Variants in PKD1L3 observed in about 807,000 individuals in gnomAD.
PKD1L3 encodes polycystin 1 like 3, transient receptor potential channel interacting, also known as polycystin-1-like protein 3.
Under a neutral mutation model 184.1 loss-of-function variants are expected in PKD1L3, and 239 were observed. The observed-to-expected ratio is 1.30, with a 90% confidence interval of 1.17 to 1.45. The LOEUF (loss-of-function observed/expected upper bound fraction) is 1.45. PKD1L3 is among the 40% of genes most tolerant of loss of function. The pLI is 0.00. For synonymous variants in PKD1L3, 996 were observed against 778.8 expected (o/e 1.28, Z -4.64); for missense variants, 2,660 against 2,067.2 (o/e 1.29, Z -5.56).
Position 71,953,106 on chromosome 16 carries a change from C to G in PKD1L3, c.2810-13G>C. ...GCAAATGGACGCACTGAAAGAAAAGCATGACATCAACTTTCATCTTCAACA... is the reference window on the plus strand; with the variant it reads ...GCAAATGGACGCACTGAAAGAAAAGGATGACATCAACTTTCATCTTCAACA... On this transcript the variant is annotated splice_polypyrimidine_tract_variant and intron_variant, in intron 17 of 29. Coordinates refer to ENST00000620267, the MANE Select transcript of PKD1L3 (RefSeq NM_181536.2). The G allele has an allele frequency of 2.1e-6, 3 of 1,448,282 alleles. No homozygotes were observed. The highest frequency in any genetic ancestry group is 2.7e-6 in the Non-Finnish European group (3 of 1,098,450). The allele number at this position is 1,448,282 out of a possible 1,614,324, so 89.7% of individuals were successfully genotyped here.
At chr16:71,979,351 G>C (rs2040058995) in intron 9 of PKD1L3, among the ~76,000 whole-genome samples, 1 of 152,154 alleles carries the variant, frequency 6.6e-6, no homozygotes, top group Non-Finnish European at 1.5e-5. Context: ...GGCTGAGGCA[G>C]GGGAATCGCT....
intron 21 of PKD1L3, among the ~76,000 whole-genome samples, chr16:71,947,853 G>A (rs376098499): frequency 1.3e-5 from 2 of 151,674 alleles, no homozygotes; most frequent in African/African-American, 4.8e-5. Flanking sequence ...ACTGTCAAAC[G>A]ATTTGTGTTG....
chr16:71,978,459 A>G, intron 9 of PKD1L3, 76 bp from the exon 10 acceptor site: 1 of 1,189,756 alleles, frequency 8.4e-7, no homozygotes, highest in Non-Finnish European at 1.2e-6. Flanking sequence ...GATATATCAT[A>G]TATACATATG....
intron 12 of PKD1L3, among the ~76,000 whole-genome samples, chr16:71,970,488 CTGAT>C: frequency 6.6e-6 from 1 of 152,148 alleles, no homozygotes; most frequent in East Asian, 1.9e-4. Context: ...CAGAGGCAAA[CTGAT>C]TGAATTCTAT....
rs553955635 is a variant in PKD1L3, at chr16:71,963,432, A to T, written c.2466-81T>A. On this transcript the variant is annotated intron_variant, in intron 15 of 29. Transcript: ENST00000620267. ...TAGTAAGACGTAATCTCAGACCATT[A>T]GTAAACTGTCCAAGTAAATGAACTG... 46 of 1,351,940 alleles carry T rather than the reference A, an allele frequency of 3.4e-5. No individual in the cohort carries two copies. The African/African-American group carries it at 3.7e-4, about 11-fold the overall frequency. 83.7% of individuals were successfully genotyped at this position (1,351,940 alleles called of 1,614,324 possible).
chr16:71,991,458 C>T lies in PKD1L3; in HGVS notation c.536-1129G>A, dbSNP rs370917511. Among the ~76,000 whole-genome samples, 29 of 151,430 alleles carry T rather than the reference C, an allele frequency of 1.9e-4. 1 individual carries two copies. Among genetic ancestry groups the T allele is most frequent in the Admixed American group, 9.9e-4 (15 of 15,208 alleles). ...ACGATATCAAAGGATTTCAAGATGA[C>T]AAAAAAAATACTGTAGAAAAATTAA... On this transcript the variant is annotated intron_variant, in intron 3 of 29. Coordinates refer to ENST00000620267, the MANE Select transcript of PKD1L3 (RefSeq NM_181536.2).
chr16:71,949,573 G>A (rs371607340), intron 21 of PKD1L3, among the ~76,000 whole-genome samples: 7 of 151,988 alleles, frequency 4.6e-5, no homozygotes, highest in African/African-American at 1.4e-4. Flanking sequence ...GGCTGGTCTC[G>A]AACACCTGGA....
chr16:71,992,749 C>T (rs1013929434), intron 3 of PKD1L3, among the ~76,000 whole-genome samples: 3 of 152,126 alleles, frequency 2.0e-5, no homozygotes, highest in Admixed American at 6.6e-5. Flanking sequence ...GGTCATACCC[C>T]GAAGAGTGAT....
At chr16:71,954,050 A>AG in intron 17 of PKD1L3, 55 bp downstream of exon 17, 5 of 806,158 alleles carry the variant, frequency 6.2e-6, no homozygotes, top group Non-Finnish European at 8.3e-6. Context: ...ACCCTGTCTC[A>AG]AAAAAAAAAA....
chr16:71,983,312 A>G (rs940553634), intron 6 of PKD1L3, among the ~76,000 whole-genome samples: 2 of 151,850 alleles, frequency 1.3e-5, no homozygotes, highest in Non-Finnish European at 2.9e-5. Context: ...ACACCCAGTT[A>G]AGTTTTGTAT....
At chr16:71,970,511 T>TA (rs1156341141) in intron 12 of PKD1L3, among the ~76,000 whole-genome samples, 4 of 152,116 alleles carry the variant, frequency 2.6e-5, no homozygotes, top group Non-Finnish European at 5.9e-5. Context: ...ATACAGCAGT[T>TA]AAAAATGAAT....
intron 17 of PKD1L3, among the ~76,000 whole-genome samples, chr16:71,953,718 G>A (rs28560350): frequency 0.053 from 7,990 of 152,042 alleles, 678 homozygotes; most frequent in African/African-American, 0.18. Flanking sequence ...CAGATCTCAT[G>A]AGAACTCACT....
rs902595472 is a variant in PKD1L3, at chr16:71,951,462, T to A, written c.3190+102A>T. The A allele has an allele frequency of 3.3e-6, 4 of 1,195,146 alleles. No homozygotes were observed. In the African/African-American group the frequency reaches 6.2e-5, roughly 19 times the overall value. 74.0% of individuals were successfully genotyped at this position (1,195,146 alleles called of 1,614,324 possible). A position where few individuals can be genotyped will look rare whatever the true frequency, so the allele number is the denominator to read the frequency against. On this transcript the variant is annotated intron_variant, in intron 19 of 29. Coordinates refer to ENST00000620267, the MANE Select transcript of PKD1L3 (RefSeq NM_181536.2). ...TAAGGAAATTAAAACAACCAGAAGG[T>A]TGTATCAGGCCTGTCGGTTATGAAT...
chr16:71,949,437 C>A (rs976296339), intron 21 of PKD1L3, among the ~76,000 whole-genome samples: 1 of 151,222 alleles, frequency 6.6e-6, no homozygotes, highest in Non-Finnish European at 1.5e-5. Flanking sequence ...ACTGCAGCCT[C>A]GACCTCCTGG....
intron 2 of PKD1L3, among the ~76,000 whole-genome samples, chr16:71,996,449 C>T (rs2040789117): frequency 1.4e-5 from 2 of 146,922 alleles, no homozygotes; most frequent in African/African-American, 5.4e-5. Context: ...TTAGTAGAGA[C>T]TGGGGTTTCA....
chr16:71,944,291 C>A, intron 22 of PKD1L3, 121 bp from the exon 23 acceptor site: 1 of 930,298 alleles, frequency 1.1e-6, no homozygotes, highest in Non-Finnish European at 1.6e-6. Flanking sequence ...ATAAAACTAC[C>A]TATGCAGTGC....
At chr16:71,938,040 C>G (rs980503421) in intron 24 of PKD1L3, among the ~76,000 whole-genome samples, 1 of 152,178 alleles carries the variant, frequency 6.6e-6, no homozygotes, top group Non-Finnish European at 1.5e-5. Context: ...AGCCCTGCCC[C>G]CTTCTGAGTT....
At chr16:71,960,956 C>A (rs8057391) in intron 16 of PKD1L3, among the ~76,000 whole-genome samples, 8,511 of 152,098 alleles carry the variant, frequency 0.056, 744 homozygotes, top group African/African-American at 0.19. Context: ...GTATTCGCTA[C>A]CCCTTAAGTT....
At chr16:71,969,167 G>T (rs906827724) in intron 13 of PKD1L3, among the ~76,000 whole-genome samples, 3 of 151,648 alleles carry the variant, frequency 2.0e-5, no homozygotes, top group African/African-American at 4.8e-5. Flanking sequence ...CTGACCTCAG[G>T]TGATCCACCT....
Sources: allele counts gnomAD v4.1 joint callset (sites outside exome capture counted in the v4.1 genomes callset), GRCh38; gene constraint gnomAD v4.1.1; transcripts MANE v1.5; gene names NCBI Gene and HGNC (gene_info 2026-07-23, HGNC 2026-07-21).